The following DACH1 variants were observed in gnomAD, a reference collection of about 807,000 sequenced individuals.
The protein encoded by DACH1 is dachshund homolog 1.
In DACH1, 12 loss-of-function variants were observed where a neutral mutation model predicts 54.2. The observed-to-expected ratio is 0.22, with a 90% CI of 0.14 to 0.36. The LOEUF (loss-of-function observed/expected upper bound fraction) is 0.36. Among genes scored for constraint, DACH1 ranks in the 10% least tolerant of loss-of-function variants. DACH1 has a pLI of 1.00. For synonymous variants in DACH1, 386 were observed against 366.2 expected (o/e 1.05, Z -0.62); for missense variants, 805 against 929.8 (o/e 0.87, Z 1.75).
At chr13:71,462,295 G>A (rs1391637522) in intron 10 of DACH1, among the ~76,000 whole-genome samples, 1 of 151,784 alleles carries the variant, frequency 6.6e-6, no homozygotes, top group East Asian at 1.9e-4. Context: ...TCTTAAATTT[G>A]AGCCAACAAT....
intron 3 of DACH1, among the ~76,000 whole-genome samples, chr13:71,579,830 T>A (rs999678350): frequency 3.9e-5 from 6 of 152,178 alleles, no homozygotes; most frequent in Non-Finnish European, 7.4e-5. Context: ...ACTGGTTTTT[T>A]GATGCCATTG....
intron 1 of DACH1, among the ~76,000 whole-genome samples, chr13:71,748,878 CTTTCTTTCTT>C (rs1884751407): frequency 3.4e-3 from 66 of 19,594 alleles, no homozygotes; most frequent in African/African-American, 5.1e-3. Context: ...TTCTTTCTTT[CTTTCTTTCTT>C]TCTTTCTTTC....
At chr13:71,756,159 T>C (rs1885141245) in intron 1 of DACH1, among the ~76,000 whole-genome samples, 1 of 152,074 alleles carries the variant, frequency 6.6e-6, no homozygotes, top group African/African-American at 2.4e-5. Context: ...GTCTCCCGAG[T>C]ACCTGGGACT....
chr13:71,592,721 T>C (rs1873825424), intron 3 of DACH1, among the ~76,000 whole-genome samples: 1 of 152,012 alleles, frequency 6.6e-6, no homozygotes, highest in African/African-American at 2.4e-5. Flanking sequence ...GATATTAAAA[T>C]TGATAAATTC....
intron 2 of DACH1, among the ~76,000 whole-genome samples, chr13:71,636,553 AAT>A (rs1488548456): frequency 8.9e-6 from 1 of 112,838 alleles, no homozygotes; most frequent in Admixed American, 8.6e-5. Flanking sequence ...AAGTAAAAAT[AAT>A]AATAATAATA....
intron 1 of DACH1, among the ~76,000 whole-genome samples, chr13:71,692,600 G>A (rs1318177333): frequency 1.7e-5 from 2 of 120,420 alleles, no homozygotes; most frequent in African/African-American, 6.3e-5. Context: ...TTGGCTCACC[G>A]CAACCTCTGC....
chr13:71,715,513 T>C (rs903628457), intron 1 of DACH1, among the ~76,000 whole-genome samples: 1 of 152,052 alleles, frequency 6.6e-6, no homozygotes, highest in Non-Finnish European at 1.5e-5. Flanking sequence ...GCCATTATCT[T>C]AATCTCATTT....
chr13:71,675,592 C>A, intron 2 of DACH1: 3 of 637,528 alleles, frequency 4.7e-6, no homozygotes, highest in South Asian at 2.0e-5. Flanking sequence ...TCAAAAGGTA[C>A]CTAAGTCTAT....
intron 3 of DACH1, among the ~76,000 whole-genome samples, chr13:71,584,421 C>T (rs1279772737): frequency 6.6e-6 from 1 of 152,066 alleles, no homozygotes; most frequent in Non-Finnish European, 1.5e-5. Context: ...TCACAAGAAA[C>T]ATAATTGTGT....
intron 1 of DACH1, among the ~76,000 whole-genome samples, chr13:71,803,204 A>G (rs1594240559): frequency 6.6e-6 from 1 of 152,232 alleles, no homozygotes; most frequent in Middle Eastern, 3.4e-3. Context: ...TGAGCCCAAC[A>G]TTTGCATGAT....
chr13:71,572,748 A>C, intron 4 of DACH1, 92 bp downstream of exon 4: 1 of 1,336,328 alleles, frequency 7.5e-7, no homozygotes, highest in South Asian at 1.6e-5. Flanking sequence ...AGCTTTTTAG[A>C]GTTCAGATGT....
intron 1 of DACH1, among the ~76,000 whole-genome samples, chr13:71,810,986 A>G (rs1379577875): frequency 6.6e-6 from 1 of 152,148 alleles, no homozygotes; most frequent in Non-Finnish European, 1.5e-5. Flanking sequence ...CATTCTACTG[A>G]ACCAGAACAT....
chr13:71,613,134 G>A lies in DACH1; in HGVS notation c.1126+17422C>T, dbSNP rs760710144. Among the ~76,000 whole-genome samples the A allele has an allele frequency of 6.6e-5, 10 of 152,170 alleles. No individual in the cohort carries two copies. In the East Asian group the frequency reaches 9.6e-4, roughly 15 times the overall value. The stretch of plus-strand genomic sequence containing the variant: ...AGAACTGATTTTAATTTTAGCATTC[G>A]AGGAAAGACATTTAAGCAGAGACTG... On this transcript the variant is annotated intron_variant, in intron 3 of 10. Transcript: ENST00000613252.
In DACH1 at chr13:71,740,691, T is replaced by G. The variant is rs1403498230; in HGVS notation, c.849-58781A>C. ...ATATTGCATGTGCTACTGCCTGGGG[T>G]GTGGGTGTATTTAATATCTCATAGC... On this transcript the variant is annotated intron_variant, in intron 1 of 10. Transcript: ENST00000613252. 2.0e-5 allele frequency among the ~76,000 whole-genome samples: 3 copies of G among 152,062 alleles called. No individual in the cohort carries two copies. In the East Asian group the frequency reaches 5.8e-4, roughly 29 times the overall value.
At chr13:71,489,860 C>A (rs1878843901) in intron 6 of DACH1, among the ~76,000 whole-genome samples, 1 of 152,134 alleles carries the variant, frequency 6.6e-6, no homozygotes, top group African/African-American at 2.4e-5. Context: ...TTCAGGGAAT[C>A]AAATTTAAAA....
At chr13:71,504,497 G>A (rs113339920) in intron 6 of DACH1, among the ~76,000 whole-genome samples, 5,115 of 152,264 alleles carry the variant, frequency 0.034, 106 homozygotes, top group Middle Eastern at 0.078. Context: ...TTGAACCTGG[G>A]AAGATAACAC....
intron 10 of DACH1, among the ~76,000 whole-genome samples, chr13:71,446,453 T>G (rs993795794): frequency 6.6e-6 from 1 of 152,192 alleles, no homozygotes; most frequent in Non-Finnish European, 1.5e-5. Context: ...AAAGGTGCTA[T>G]ATCGATTTTA....
chr13:71,503,057 C>A (rs1290702970), intron 6 of DACH1, among the ~76,000 whole-genome samples: 6 of 152,138 alleles, frequency 3.9e-5, no homozygotes, highest in Admixed American at 3.9e-4. Flanking sequence ...GCCTTGCCAC[C>A]ATCTCTTGGG....
intron 10 of DACH1, among the ~76,000 whole-genome samples, chr13:71,451,044 TATG>T (rs1320645270): frequency 1.3e-5 from 2 of 152,102 alleles, no homozygotes; most frequent in Non-Finnish European, 2.9e-5. Flanking sequence ...AACAAAAAAT[TATG>T]ATGATGATAA....
Sources: allele counts gnomAD v4.1 joint callset (sites outside exome capture counted in the v4.1 genomes callset), GRCh38; gene constraint gnomAD v4.1.1; transcripts MANE v1.5; gene names NCBI Gene and HGNC (gene_info 2026-07-23, HGNC 2026-07-21).